CRIPTO: variants seen among roughly 807,000 people sequenced by gnomAD.
The protein encoded by CRIPTO is protein Cripto.
At chr3:46,581,108 T>A in the CRIPTO span, 1 of 1,577,560 alleles carries the variant, frequency 6.3e-7, no homozygotes, top group Non-Finnish European at 8.7e-7. Flanking sequence ...TTTGCTTTAA[T>A]GACCAAGCAT....
the CRIPTO span, among the ~76,000 whole-genome samples, chr3:46,574,926 A>G: frequency 1.3e-5 from 2 of 152,248 alleles, no homozygotes; most frequent in Non-Finnish European, 2.9e-5. Flanking sequence ...TCTCAAGGGC[A>G]GTACCAAGAA....
At chr3:46,575,625 C>T in the CRIPTO span, among the ~76,000 whole-genome samples, 1 of 152,156 alleles carries the variant, frequency 6.6e-6, no homozygotes, top group Non-Finnish European at 1.5e-5. Flanking sequence ...TCTGAAAATG[C>T]AGTGATTTCC....
the CRIPTO span, among the ~76,000 whole-genome samples, chr3:46,576,055 G>T: frequency 6.6e-6 from 1 of 152,188 alleles, no homozygotes; most frequent in African/African-American, 2.4e-5. Context: ...GGGAGGAGGC[G>T]AAGCGCAGCA....
chr3:46,579,947 T>G, the CRIPTO span: 1 of 1,614,212 alleles, frequency 6.2e-7, no homozygotes, highest in Non-Finnish European at 8.5e-7. Context: ...CTGTTCATTC[T>G]CAGGAACTGT....
chr3:46,579,684 T>C, the CRIPTO span: 1 of 1,565,914 alleles, frequency 6.4e-7, no homozygotes, highest in Non-Finnish European at 8.8e-7. Flanking sequence ...CTTACAGGAA[T>C]TGCCCTTGCA....
the CRIPTO span, chr3:46,581,696 G>A: frequency 8.4e-6 from 4 of 477,000 alleles, no homozygotes; most frequent in Non-Finnish European, 1.1e-5. Context: ...ATTTTTAGTA[G>A]AGATGGGGGT....
chr3:46,580,540 A>C, the CRIPTO span, among the ~76,000 whole-genome samples: 152 of 141,896 alleles, frequency 1.1e-3, 1 homozygote, highest in Non-Finnish European at 2.2e-3. Context: ...ATACCTTACC[A>C]TGACTGGTCA....
the CRIPTO span, among the ~76,000 whole-genome samples, chr3:46,578,267 G>C: frequency 3.4e-3 from 517 of 150,004 alleles, 2 homozygotes; most frequent in Non-Finnish European, 5.0e-3. Flanking sequence ...CTTTATTCTT[G>C]TACAAATAAA....
chr3:46,579,782 C>A, the CRIPTO span: 2 of 1,613,344 alleles, frequency 1.2e-6, no homozygotes, highest in Middle Eastern at 1.9e-4. Flanking sequence ...GGGGAACCTG[C>A]ATGCTGGGGT....
At chr3:46,576,133 C>T in the CRIPTO span, among the ~76,000 whole-genome samples, 1 of 152,118 alleles carries the variant, frequency 6.6e-6, no homozygotes, top group African/African-American at 2.4e-5. Context: ...TGGATGGGGC[C>T]TCACTCCCCC....
the CRIPTO span, chr3:46,578,107 C>T: frequency 7.8e-7 from 1 of 1,286,942 alleles, no homozygotes; most frequent in Non-Finnish European, 1.1e-6. Context: ...TTGCTCAAGC[C>T]TTAAAAGAGC....
chr3:46,578,037 G>A, the CRIPTO span: 2 of 1,604,328 alleles, frequency 1.2e-6, no homozygotes, highest in Non-Finnish European at 1.7e-6. Context: ...AACTTTTTTT[G>A]ATTGCTAGAG....
chr3:46,578,382 AACC>A, the CRIPTO span, among the ~76,000 whole-genome samples: 9 of 143,414 alleles, frequency 6.3e-5, no homozygotes, highest in Middle Eastern at 3.8e-3. Context: ...AAAAAAAAAA[AACC>A]CACATTTTTT....
the CRIPTO span, among the ~76,000 whole-genome samples, chr3:46,578,879 A>C: frequency 6.6e-6 from 1 of 152,162 alleles, no homozygotes; most frequent in Non-Finnish European, 1.5e-5. Flanking sequence ...GGCCTAAGAA[A>C]TAATAATATA....
chr3:46,579,201 A>G, the CRIPTO span: 1 of 1,614,190 alleles, frequency 6.2e-7, no homozygotes, highest in South Asian at 1.1e-5. Flanking sequence ...GGCCTAAAAT[A>G]CAGACTCCAT....
At chr3:46,580,788 ACATTT>A in the CRIPTO span, among the ~76,000 whole-genome samples, 2 of 152,184 alleles carry the variant, frequency 1.3e-5, no homozygotes, top group African/African-American at 2.4e-5. Context: ...ATGAAAGCAA[ACATTT>A]CACTGAGAAC....
chr3:46,574,783 A>G, the CRIPTO span, among the ~76,000 whole-genome samples: 167 of 152,350 alleles, frequency 1.1e-3, no homozygotes, highest in African/African-American at 3.9e-3. Context: ...CTTGAATTTT[A>G]GGCAGACACA....
the CRIPTO span, chr3:46,579,174 A>G: frequency 1.9e-6 from 3 of 1,613,736 alleles, no homozygotes; most frequent in African/African-American, 4.0e-5. Flanking sequence ...TCTTTTGATC[A>G]CTCTCAATTT....
chr3:46,582,186 A>G, the CRIPTO span: 2 of 152,232 alleles, frequency 1.3e-5, no homozygotes, highest in African/African-American at 4.8e-5. Context: ...ATAGAAAGCT[A>G]TATAAGACAA....
Sources: gnomAD v4.1 joint callset for allele counts (sites outside exome capture counted in the v4.1 genomes callset) on GRCh38, gnomAD v4.1.1 for gene constraint, MANE v1.5 for transcripts, NCBI Gene and HGNC (gene_info 2026-07-23, HGNC 2026-07-21) for gene names.